UBR1: variants seen among roughly 807,000 people sequenced by gnomAD.
The protein encoded by UBR1 is E3 ubiquitin-protein ligase UBR1.
In UBR1, 102 loss-of-function variants were observed where a neutral mutation model predicts 242.1. The ratio of observed to expected loss-of-function variants is 0.42; its 90% CI spans 0.36 to 0.50. The LOEUF (loss-of-function observed/expected upper bound fraction) is 0.50. Among genes scored for constraint, UBR1 ranks in the 20% least tolerant of loss-of-function variants. UBR1 has a pLI of 0.01. For missense variants in UBR1, 1,772 were observed against 2,101.8 expected (o/e 0.84, Z 3.07); for synonymous variants, 675 against 684.8 (o/e 0.99, Z 0.22).
chr15:42,974,556 G>A (rs1043280290), intron 39 of UBR1, among the ~76,000 whole-genome samples: 1 of 152,062 alleles, frequency 6.6e-6, no homozygotes, highest in Non-Finnish European at 1.5e-5. Flanking sequence ...TAGGACTTTT[G>A]TCTTTCCATA....
In UBR1 at chr15:43,002,498, G is replaced by A. The variant is rs182919539; in HGVS notation, c.3659+57C>T. 6.0e-5 allele frequency: 95 copies of A among 1,577,758 alleles called. No individual in the cohort carries two copies. The African/African-American group carries it at 1.1e-3, about 19-fold the overall frequency. On this transcript the variant is annotated intron_variant, in intron 32 of 46. Transcript: ENST00000290650. ...AGTCTCCCAAAGTGCTGGGATCACA[G>A]GCCACTGCACCTGGCCAACTTTTAA...
chr15:43,063,848 T>G (rs1224783733), intron 6 of UBR1, among the ~76,000 whole-genome samples: 1 of 152,180 alleles, frequency 6.6e-6, no homozygotes, highest in Non-Finnish European at 1.5e-5. Context: ...GTGATTCTCC[T>G]GCCTCAGCCT....
intron 4 of UBR1, among the ~76,000 whole-genome samples, chr15:43,071,561 C>T (rs764298010): frequency 6.0e-5 from 9 of 150,706 alleles, no homozygotes; most frequent in Non-Finnish European, 1.2e-4. Flanking sequence ...TACTACTGAA[C>T]GCTATATCTA....
chr15:42,947,835 G>A (rs1169276129), intron 46 of UBR1, among the ~76,000 whole-genome samples: 4 of 152,136 alleles, frequency 2.6e-5, no homozygotes, highest in Non-Finnish European at 5.9e-5. Context: ...GGAAGAATCA[G>A]TATCGTGAAA....
intron 30 of UBR1, among the ~76,000 whole-genome samples, chr15:43,006,458 C>T (rs567514082): frequency 2.2e-4 from 33 of 152,272 alleles, no homozygotes; most frequent in Admixed American, 3.9e-4. Flanking sequence ...TTTGTAAAGA[C>T]GAGGTTTCGC....
In UBR1 at chr15:43,058,327, T is replaced by C; in HGVS notation, c.1182+14A>G. The C allele has an allele frequency of 2.6e-6, 4 of 1,514,334 alleles. No individual in the cohort carries two copies. The highest frequency in any genetic ancestry group is 2.3e-5 in the South Asian group (2 of 86,726). The allele number at this position is 1,514,334 out of a possible 1,614,324, so 93.8% of individuals were successfully genotyped here. ...CTATTTCTATTTATTGATATCTAAT[T>C]TATAAATAATTACCTTCACAAATTC... On this transcript the variant is annotated intron_variant, in intron 10 of 46. Transcript: ENST00000290650.
intron 24 of UBR1, 116 bp downstream of exon 24, chr15:43,025,265 C>T: frequency 9.8e-7 from 1 of 1,018,752 alleles, no homozygotes; most frequent in South Asian, 1.4e-5. Context: ...AAGCTCTTTG[C>T]ACTTCCTTGA....
At chr15:43,053,136 GAT>G (rs1491268285) in intron 12 of UBR1, among the ~76,000 whole-genome samples, 1 of 152,140 alleles carries the variant, frequency 6.6e-6, no homozygotes, top group African/African-American at 2.4e-5. Flanking sequence ...GGTCACTGGA[GAT>G]ATCTATATTT....
In UBR1 at chr15:42,949,445, TA is replaced by T. The variant is rs71108191; in HGVS notation, c.5108+816del. Reference sequence around the variant, plus strand: ...AAAGTATAATAATAATAAAATAAAATAAAAAAAAAATTATGTGCTAAAGAAT... The same window carrying T: ...AAAGTATAATAATAATAAAATAAAATAAAAAAAAATTATGTGCTAAAGAAT... On this transcript the variant is annotated intron_variant, in intron 46 of 46. Transcript: ENST00000290650. Among the ~76,000 whole-genome samples, 249 of 149,864 alleles carry T rather than the reference TA, an allele frequency of 1.7e-3. 4 individuals carry two copies. The highest frequency in any genetic ancestry group is 5.7e-3 in the African/African-American group (233 of 40,780).
chr15:43,086,108 T>A lies in UBR1; in HGVS notation c.214A>T (p.Thr72Ser). 6.2e-7 allele frequency: 1 copy of A among 1,613,820 alleles called. No homozygotes were observed. The highest frequency in any genetic ancestry group is 8.5e-7 in the Non-Finnish European group (1 of 1,179,942). The change falls in exon 2 of 47, where the codon ACT becomes TCT. Residue 72 changes from threonine (T) to serine (S), a missense_variant. Coordinates refer to ENST00000290650, the MANE Select transcript of UBR1 (RefSeq NM_174916.3). ...CCAAATAAGTACCATTCCAGTGGAG[T>A]GAATATTGACATTTGTACACTTTCC... ...QEESVQMSIF[T>S]PLEWYLFGED...
chr15:42,971,096 A>C (rs2032199525), intron 39 of UBR1, among the ~76,000 whole-genome samples: 1 of 152,228 alleles, frequency 6.6e-6, no homozygotes, highest in South Asian at 2.1e-4. Flanking sequence ...CTGGAGAAAC[A>C]AATAGGGCAG....
intron 3 of UBR1, among the ~76,000 whole-genome samples, chr15:43,081,744 T>A (rs2033977321): frequency 6.6e-6 from 1 of 152,128 alleles, no homozygotes; most frequent in South Asian, 2.1e-4. Context: ...TTGGCAAAGT[T>A]TTTTTGCTCA....
rs1466683807 is a variant in UBR1, at chr15:43,059,799, A to G, written c.888T>C (p.His296=). The G allele has an allele frequency of 2.5e-6, 4 of 1,613,922 alleles. No homozygotes were observed. In the Admixed American group the frequency reaches 6.7e-5, roughly 27 times the overall value. The change falls in exon 8 of 47, where the codon CAT becomes CAC. Residue 296 remains histidine, a synonymous_variant. Transcript: ENST00000290650. Reference sequence around the variant, plus strand: ...AGTGTAATACTTCTACATGAAGTGGATGTTGAGAGACATTTTCTGAATGAC... The same window carrying G: ...AGTGTAATACTTCTACATGAAGTGGGTGTTGAGAGACATTTTCTGAATGAC... ...IKSHSENVSQ[H]PLHVEVLHSE...
chr15:42,965,656 G>A (rs1273280447), intron 41 of UBR1, among the ~76,000 whole-genome samples: 5 of 151,982 alleles, frequency 3.3e-5, no homozygotes, highest in East Asian at 1.9e-4. Flanking sequence ...TAGTAGAGAC[G>A]GGGTTTCACC....
intron 36 of UBR1, 33 bp from the exon 37 acceptor site, chr15:42,984,026 T>G: frequency 6.4e-7 from 1 of 1,557,228 alleles, no homozygotes; most frequent in Non-Finnish European, 8.8e-7. Flanking sequence ...GATAAAAAGA[T>G]GAGGGAAGAT....
intron 33 of UBR1, among the ~76,000 whole-genome samples, chr15:42,992,189 T>C (rs188874219): frequency 1.3e-5 from 2 of 152,228 alleles, no homozygotes; most frequent in Admixed American, 6.5e-5. Context: ...TCAAGAGTGT[T>C]TACCTTCACC....
At chr15:43,097,099 C>A (rs1291380384) in intron 1 of UBR1, among the ~76,000 whole-genome samples, 1 of 152,104 alleles carries the variant, frequency 6.6e-6, no homozygotes, top group Non-Finnish European at 1.5e-5. Flanking sequence ...TGCAATTACT[C>A]CTTGATCCAT....
At chr15:43,023,481 C>T (rs886088845) in intron 25 of UBR1, among the ~76,000 whole-genome samples, 1 of 150,300 alleles carries the variant, frequency 6.7e-6, no homozygotes, top group African/African-American at 2.5e-5. Flanking sequence ...ATCCCAGCTG[C>T]TTGGGAGGCT....
chr15:43,085,125 C>G (rs1381611196), intron 2 of UBR1, among the ~76,000 whole-genome samples: 1 of 152,174 alleles, frequency 6.6e-6, no homozygotes, highest in East Asian at 1.9e-4. Flanking sequence ...CTCTGAAATC[C>G]AAATAGCTCC....
Sources: allele counts gnomAD v4.1 joint callset (sites outside exome capture counted in the v4.1 genomes callset), GRCh38; gene constraint gnomAD v4.1.1; transcripts MANE v1.5; gene names NCBI Gene and HGNC (gene_info 2026-07-23, HGNC 2026-07-21).